The following CBFA2T3 variants were observed in gnomAD, a reference collection of about 807,000 sequenced individuals.
The protein encoded by CBFA2T3 is CBFA2/RUNX1 partner transcriptional co-repressor 3.
A neutral mutation model predicts 58.6 loss-of-function variants in CBFA2T3; 31 were observed. The ratio of observed to expected loss-of-function variants is 0.53; its 90% CI spans 0.40 to 0.71. The LOEUF (loss-of-function observed/expected upper bound fraction) is 0.71, where lower values mean the gene tolerates loss of function less well. Ranked by LOEUF, CBFA2T3 falls within the 30% of genes least tolerant of loss-of-function variation. The probability of loss-of-function intolerance (pLI) is 0.00; values close to 1 mark genes in which losing one functional copy is unlikely to be tolerated. For synonymous variants in CBFA2T3, 531 were observed against 421.9 expected (o/e 1.26, Z -3.17); for missense variants, 1,076 against 963.1 (o/e 1.12, Z -1.55).
intron 5 of CBFA2T3, among the ~76,000 whole-genome samples, chr16:88,890,609 A>T (rs1969593036): frequency 6.6e-6 from 1 of 152,238 alleles, no homozygotes. Flanking sequence ...GGGGAAATGG[A>T]GACCCGCAGA....
intron 1 of CBFA2T3, among the ~76,000 whole-genome samples, chr16:88,963,145 G>C (rs1972409069): frequency 1.3e-5 from 2 of 151,984 alleles, no homozygotes; most frequent in Non-Finnish European, 2.9e-5. Context: ...GGAAGAAGCA[G>C]ACACAGGCCC....
intron 1 of CBFA2T3, among the ~76,000 whole-genome samples, chr16:88,942,112 A>G (rs1011033381): frequency 2.6e-5 from 4 of 152,032 alleles, no homozygotes; most frequent in Admixed American, 6.5e-5. Flanking sequence ...CGTGCGTTTC[A>G]TGTCCACCTG....
At chr16:88,883,590 C>A (rs1375017948) in intron 7 of CBFA2T3, 1 of 152,080 alleles carries the variant, frequency 6.6e-6, no homozygotes, top group Non-Finnish European at 1.5e-5. Context: ...CCGGCAGTGG[C>A]CGACTCTTCC....
chr16:88,896,857 C>T (rs762818380), intron 3 of CBFA2T3, among the ~76,000 whole-genome samples: 6 of 152,180 alleles, frequency 3.9e-5, no homozygotes, highest in African/African-American at 1.4e-4. Context: ...CTGGTCCTTC[C>T]GGCGGCCTGC....
intron 5 of CBFA2T3, among the ~76,000 whole-genome samples, chr16:88,888,089 C>T (rs1205170813): frequency 6.6e-6 from 1 of 152,046 alleles, no homozygotes; most frequent in African/African-American, 2.4e-5. Flanking sequence ...CGGGGAGCTC[C>T]GGGTGAATCA....
intron 1 of CBFA2T3, among the ~76,000 whole-genome samples, chr16:88,962,128 C>A (rs566022448): frequency 1.3e-5 from 2 of 151,732 alleles, no homozygotes; most frequent in African/African-American, 4.8e-5. Context: ...TAGTAACCAA[C>A]ACTCAGCACT....
intron 1 of CBFA2T3, among the ~76,000 whole-genome samples, chr16:88,907,487 T>C (rs931284761): frequency 6.6e-6 from 1 of 152,204 alleles, no homozygotes; most frequent in Non-Finnish European, 1.5e-5. Context: ...GGGAGGAATC[T>C]CATACAGAGG....
Position 88,922,779 on chromosome 16 carries a change from TC to T in CBFA2T3, c.152-21124del, listed in dbSNP as rs377315383. On this transcript the variant is annotated intron_variant, in intron 1 of 11. Transcript: ENST00000268679. ...ACCTCGGAGACGGTGACACCACTGT[TC>T]CCGTGGCACAGGCTTTGCCCCTGCG... Among the ~76,000 whole-genome samples, 25 of 152,342 alleles carry T rather than the reference TC, an allele frequency of 1.6e-4. No homozygotes were observed. The East Asian group carries it at 1.7e-3, about 11-fold the overall frequency.
Position 88,976,732 on chromosome 16 carries a change from G to A in CBFA2T3, c.76C>T (p.His26Tyr), listed in dbSNP as rs868371956. 2 of 1,557,586 alleles carry A rather than the reference G, an allele frequency of 1.3e-6. No homozygotes were observed. The highest frequency in any genetic ancestry group is 1.7e-6 in the Non-Finnish European group (2 of 1,150,726). Residue 26 changes from histidine (H) to tyrosine (Y), a missense_variant, in exon 1 of 12, where the codon CAC (histidine) becomes TAC (tyrosine). Physicochemically the swap from His to Tyr is moderately conservative, Grantham distance 83. Transcript: ENST00000268679. ...GSTCGSMSQTHPVLESGLLAS... is the reference protein window; with the variant it reads ...GSTCGSMSQTYPVLESGLLAS... ...AGGAGGCCGCTCTCCAGCACAGGGT[G>A]CGTCTGGGACATGGAGCCACAGGTG...
chr16:88,910,003 C>A lies in CBFA2T3; in HGVS notation c.152-8347G>T, dbSNP rs12935718. ...GTCCACGGCGGCTCCCACGGCGGCT[C>A]CCCAGCTGCTTGGCCAGTGCCACAG... On this transcript the variant is annotated intron_variant, in intron 1 of 11. Coordinates refer to ENST00000268679, the MANE Select transcript of CBFA2T3 (RefSeq NM_005187.6). 1.4e-3 allele frequency among the ~76,000 whole-genome samples: 216 copies of A among 152,360 alleles called. 1 individual carries two copies. The highest frequency in any genetic ancestry group is 2.2e-3 in the Non-Finnish European group (150 of 68,028).
chr16:88,943,673 C>G (rs140355859), intron 1 of CBFA2T3, among the ~76,000 whole-genome samples: 1 of 152,186 alleles, frequency 6.6e-6, no homozygotes, highest in Non-Finnish European at 1.5e-5. Flanking sequence ...CATTTCCCCC[C>G]GTGCTGTGCG....
intron 1 of CBFA2T3, among the ~76,000 whole-genome samples, chr16:88,932,039 T>G (rs902472882): frequency 5.3e-5 from 8 of 152,092 alleles, no homozygotes; most frequent in Non-Finnish European, 7.4e-5. Context: ...TGCACACGTG[T>G]GCACACCATC....
intron 2 of CBFA2T3, among the ~76,000 whole-genome samples, chr16:88,901,230 C>T (rs1970085925): frequency 6.6e-6 from 1 of 152,340 alleles, no homozygotes; most frequent in East Asian, 1.9e-4. Context: ...TGTGGACTCA[C>T]CTGGCCCCAC....
intron 1 of CBFA2T3, among the ~76,000 whole-genome samples, chr16:88,936,361 C>T (rs990832210): frequency 1.3e-5 from 2 of 152,312 alleles, no homozygotes; most frequent in Admixed American, 6.5e-5. Context: ...CTCCCCAAAC[C>T]TCCTCCTGCC....
In CBFA2T3 at chr16:88,875,728, G is replaced by A. The variant is rs982265663; in HGVS notation, c.*1248C>T. ...GGAGGCCTGCTGGCTCCGCATGCTCGAAAAGCAGTCGAGAATCAACCCAAA... is the reference window on the plus strand; with the variant it reads ...GGAGGCCTGCTGGCTCCGCATGCTCAAAAAGCAGTCGAGAATCAACCCAAA... On this transcript the variant is annotated 3_prime_UTR_variant, in exon 12 of 12. Transcript: ENST00000268679. 3 of 233,442 alleles carry A rather than the reference G, an allele frequency of 1.3e-5. No homozygotes were observed. The highest frequency in any genetic ancestry group is 2.2e-5 in the African/African-American group (1 of 45,284). The allele number at this position is 233,442 out of a possible 1,614,324, so 14.5% of individuals were successfully genotyped here. A position where few individuals can be genotyped will look rare whatever the true frequency, so the allele number is the denominator to read the frequency against.
intron 7 of CBFA2T3, chr16:88,883,659 G>C (rs929568542): frequency 1.3e-5 from 2 of 151,662 alleles, no homozygotes; most frequent in African/African-American, 4.9e-5. Context: ...ACTCTTCTGC[G>C]GTGGCTGCGC....
At chr16:88,908,075 C>G (rs975586103) in intron 1 of CBFA2T3, among the ~76,000 whole-genome samples, 1 of 152,230 alleles carries the variant, frequency 6.6e-6, no homozygotes, top group African/African-American at 2.4e-5. Context: ...GACGTGGTGA[C>G]TCACACCTGT....
intron 1 of CBFA2T3, among the ~76,000 whole-genome samples, chr16:88,922,880 T>C (rs1242397748): frequency 6.6e-6 from 1 of 152,186 alleles, no homozygotes; most frequent in Non-Finnish European, 1.5e-5. Context: ...TGTTCTGTTA[T>C]ATAATCACGA....
At chr16:88,961,645 G>A (rs1226729039) in intron 1 of CBFA2T3, among the ~76,000 whole-genome samples, 2 of 114,466 alleles carry the variant, frequency 1.7e-5, no homozygotes, top group African/African-American at 3.6e-5. Flanking sequence ...CATAGTAACC[G>A]ACACTCAGCG....
Sources: allele counts gnomAD v4.1 joint callset (sites outside exome capture counted in the v4.1 genomes callset), GRCh38; gene constraint gnomAD v4.1.1; transcripts MANE v1.5; gene names NCBI Gene and HGNC (gene_info 2026-07-23, HGNC 2026-07-21).